Variants in RBFOX1 observed in about 807,000 individuals in gnomAD.
RBFOX1 encodes RNA binding fox-1 homolog 1, also known as RNA binding protein fox-1 homolog 1.
Under a neutral mutation model 57.7 loss-of-function variants are expected in RBFOX1, and 8 were observed. The observed-to-expected ratio is 0.14, with a 90% CI of 0.08 to 0.25. The LOEUF is 0.25. Among genes scored for constraint, RBFOX1 ranks in the 10% least tolerant of loss-of-function variants. RBFOX1 has a pLI of 1.00. For missense variants in RBFOX1, 611 were observed against 548.5 expected, an observed-to-expected ratio of 1.11 and a Z score of -1.14; for synonymous variants, 326 against 222.4, an observed-to-expected ratio of 1.47 and a Z score of -4.15.
At chr16:7,451,851 T>C (rs1448503244) in intron 4 of RBFOX1, among the ~76,000 whole-genome samples, 1 of 152,008 alleles carries the variant, frequency 6.6e-6, no homozygotes, top group Admixed American at 6.6e-5. Flanking sequence ...TTTATCTCAG[T>C]GGGGTTTGTG....
intron 4 of RBFOX1, among the ~76,000 whole-genome samples, chr16:7,212,212 A>G (rs1003251746): frequency 2.0e-5 from 3 of 152,200 alleles, no homozygotes; most frequent in African/African-American, 7.2e-5. Context: ...TTTAGGGTCA[A>G]GGGAGAGAAA....
intron 4 of RBFOX1, among the ~76,000 whole-genome samples, chr16:7,444,538 A>G (rs1024287628): frequency 3.9e-5 from 6 of 151,980 alleles, no homozygotes; most frequent in African/African-American, 1.5e-4. Flanking sequence ...TGGCTTGGGT[A>G]GCCTTTTTTT....
chr16:5,304,618 C>G (rs375191147), intron 1 of RBFOX1, among the ~76,000 whole-genome samples: 1 of 152,222 alleles, frequency 6.6e-6, no homozygotes, highest in African/African-American at 2.4e-5. Flanking sequence ...AGATACTCTT[C>G]TATCCTGGGG....
chr16:6,668,188 A>T (rs2098744196), intron 3 of RBFOX1, among the ~76,000 whole-genome samples: 1 of 152,194 alleles, frequency 6.6e-6, no homozygotes, highest in South Asian at 2.1e-4. Flanking sequence ...TTGGAAACAG[A>T]TTGAATCTCT....
At chr16:7,066,386 G>A (rs901559350) in intron 4 of RBFOX1, among the ~76,000 whole-genome samples, 2 of 152,192 alleles carry the variant, frequency 1.3e-5, no homozygotes, top group South Asian at 2.1e-4. Flanking sequence ...GCTAAGATAC[G>A]AGAAGGGTAT....
At chr16:5,642,684 A>T (rs1046828641) in intron 3 of RBFOX1, among the ~76,000 whole-genome samples, 1 of 152,082 alleles carries the variant, frequency 6.6e-6, no homozygotes, top group African/African-American at 2.4e-5. Flanking sequence ...TGGGGAATTT[A>T]CTAGAGGTAA....
chr16:5,628,798 T>C (rs1010172866), intron 3 of RBFOX1, among the ~76,000 whole-genome samples: 2 of 152,234 alleles, frequency 1.3e-5, no homozygotes. Context: ...AGCATCCTTA[T>C]GGCTGAAGGG....
chr16:7,313,220 A>T (rs866196029), intron 4 of RBFOX1, among the ~76,000 whole-genome samples: 1 of 152,126 alleles, frequency 6.6e-6, no homozygotes. Flanking sequence ...GGTTCCCTCA[A>T]CCAAATAATC....
intron 6 of RBFOX1, among the ~76,000 whole-genome samples, chr16:7,584,891 A>C (rs925036962): frequency 2.6e-5 from 4 of 152,166 alleles, no homozygotes; most frequent in Non-Finnish European, 5.9e-5. Context: ...ACTGCCACAG[A>C]AGCAAACTTT....
chr16:6,014,742 T>A (rs1017544411), upstream of RBFOX1, among the ~76,000 whole-genome samples: 1 of 152,212 alleles, frequency 6.6e-6, no homozygotes, highest in African/African-American at 2.4e-5. Context: ...GTGCAAATCA[T>A]GTTATTGAAC....
intron 4 of RBFOX1, among the ~76,000 whole-genome samples, chr16:7,501,214 G>C (rs1451388048): frequency 6.6e-6 from 1 of 152,188 alleles, no homozygotes; most frequent in Non-Finnish European, 1.5e-5. Context: ...TTTACCTAAA[G>C]TGACTACTTG....
chr16:7,166,890 C>G (rs1393623266), intron 4 of RBFOX1, among the ~76,000 whole-genome samples: 4 of 150,320 alleles, frequency 2.7e-5, no homozygotes, highest in Non-Finnish European at 4.4e-5. Context: ...GACACAGCCA[C>G]CAGTAGCCTT....
At chr16:6,286,310 T>A (rs2076902828) in intron 1 of RBFOX1, among the ~76,000 whole-genome samples, 1 of 152,166 alleles carries the variant, frequency 6.6e-6, no homozygotes, top group Admixed American at 6.5e-5. Flanking sequence ...CAGTGAGAAA[T>A]GCAGTGTCGA....
chr16:5,317,481 C>T (rs1003640873), intron 1 of RBFOX1, among the ~76,000 whole-genome samples: 3 of 152,136 alleles, frequency 2.0e-5, no homozygotes, highest in African/African-American at 4.8e-5. Flanking sequence ...TGGTGGCGCA[C>T]GCCTGCAATC....
intron 3 of RBFOX1, among the ~76,000 whole-genome samples, chr16:5,640,904 C>T (rs757830166): frequency 2.7e-5 from 4 of 150,846 alleles, no homozygotes; most frequent in African/African-American, 9.8e-5. Flanking sequence ...TATGCACATA[C>T]ACACATGGAC....
chr16:6,744,925 C>A (rs912178536), intron 3 of RBFOX1, among the ~76,000 whole-genome samples: 2 of 151,842 alleles, frequency 1.3e-5, no homozygotes, highest in East Asian at 1.9e-4. Context: ...TTAGTAAAAT[C>A]AATACACTTT....
chr16:6,575,490 C>T (rs974623215), intron 2 of RBFOX1, among the ~76,000 whole-genome samples: 2 of 152,152 alleles, frequency 1.3e-5, no homozygotes, highest in Admixed American at 6.5e-5. Context: ...CATCACTGAT[C>T]TTCTAAATAA....
chr16:6,506,871 C>T (rs2096111422), intron 2 of RBFOX1, among the ~76,000 whole-genome samples: 2 of 152,106 alleles, frequency 1.3e-5, no homozygotes, highest in Admixed American at 1.3e-4. Context: ...TGGTCTCAAA[C>T]TCCTGACCTC....
At chr16:5,942,579 C>T (rs2059304722) in intron 4 of RBFOX1, among the ~76,000 whole-genome samples, 1 of 152,186 alleles carries the variant, frequency 6.6e-6, no homozygotes, top group Non-Finnish European at 1.5e-5. Context: ...TAGCAGGATT[C>T]AAGTCCCTTT....
Sources: allele counts gnomAD v4.1 joint callset (sites outside exome capture counted in the v4.1 genomes callset), GRCh38; gene constraint gnomAD v4.1.1; transcripts MANE v1.5; gene names NCBI Gene and HGNC (gene_info 2026-07-23, HGNC 2026-07-21).